The following ITCH variants were observed in gnomAD, a reference collection of about 807,000 sequenced individuals.
ITCH encodes the protein itchy E3 ubiquitin protein ligase, also known as E3 ubiquitin-protein ligase Itchy homolog.
Under a neutral mutation model 126.8 loss-of-function variants are expected in ITCH, and 28 were observed. That is an observed-to-expected ratio of 0.22 (90% confidence interval 0.16 to 0.30). The LOEUF (loss-of-function observed/expected upper bound fraction) is 0.30, where lower values mean the gene tolerates loss of function less well. Among genes scored for constraint, ITCH ranks in the 10% least tolerant of loss-of-function variants. The pLI, the probability that ITCH is intolerant of heterozygous loss-of-function variation, is 1.00. For missense variants in ITCH, 631 were observed against 1,032.4 expected (o/e 0.61, Z 5.33); for synonymous variants, 342 against 340.0 (o/e 1.01, Z -0.06).
chr20:34,481,247 A>T (rs2146472967), intron 20 of ITCH, 41 bp downstream of exon 20: 2 of 1,593,194 alleles, frequency 1.3e-6, no homozygotes, highest in South Asian at 2.2e-5. Context: ...TTGTTTGACT[A>T]CAGCACATTG....
At chr20:34,503,205 C>T (rs1990371085) in intron 23 of ITCH, among the ~76,000 whole-genome samples, 1 of 152,030 alleles carries the variant, frequency 6.6e-6, no homozygotes, top group African/African-American at 2.4e-5. Flanking sequence ...ATTGGGTATA[C>T]TTAGTATACA....
chr20:34,497,256 A>C (rs998418051), intron 23 of ITCH, among the ~76,000 whole-genome samples: 7 of 152,132 alleles, frequency 4.6e-5, no homozygotes, highest in African/African-American at 1.7e-4. Flanking sequence ...CAGCCTCCCA[A>C]AGTGCTGGGA....
At chr20:34,415,986 G>T (rs934029599) in intron 6 of ITCH, among the ~76,000 whole-genome samples, 1 of 151,910 alleles carries the variant, frequency 6.6e-6, no homozygotes, top group Non-Finnish European at 1.5e-5. Flanking sequence ...GCCTGGCCTG[G>T]TGGCGAGCAC....
At chr20:34,487,621 C>G (rs536880960) in intron 20 of ITCH, among the ~76,000 whole-genome samples, 2 of 152,122 alleles carry the variant, frequency 1.3e-5, no homozygotes, top group Non-Finnish European at 2.9e-5. Flanking sequence ...CCTGTTGACC[C>G]AAACACTACT....
Position 34,389,990 on chromosome 20 carries a change from G to T in ITCH, c.-21-3801G>T, listed in dbSNP as rs923349473. 3.3e-5 allele frequency among the ~76,000 whole-genome samples: 5 copies of T among 151,768 alleles called. No homozygotes were observed. The South Asian group carries it at 6.2e-4, about 19-fold the overall frequency. On this transcript the variant is annotated intron_variant, in intron 2 of 24. Coordinates refer to ENST00000374864, the MANE Select transcript of ITCH (RefSeq NM_031483.7). Reference sequence around the variant, plus strand: ...ACAAAAATTAGCTAGGTGTGGTTGTGGGTGCCTGTAGTCCCAGCTACTGGG... The same window carrying T: ...ACAAAAATTAGCTAGGTGTGGTTGTTGGTGCCTGTAGTCCCAGCTACTGGG...
chr20:34,479,859 A>C, intron 18 of ITCH, 70 bp downstream of exon 18: 1 of 1,315,646 alleles, frequency 7.6e-7, no homozygotes, highest in Non-Finnish European at 1.1e-6. Context: ...TAGGTGCCAT[A>C]ACAGATCATA....
At chr20:34,492,624 T>C (rs749969191) in intron 23 of ITCH, 27 bp downstream of exon 23, 8 of 1,435,228 alleles carry the variant, frequency 5.6e-6, no homozygotes, top group Middle Eastern at 1.7e-4. Context: ...ACTTTTCCTA[T>C]ACAGAAAATT....
chr20:34,423,928 A>T (rs1305495386), intron 6 of ITCH, among the ~76,000 whole-genome samples: 2 of 152,198 alleles, frequency 1.3e-5, no homozygotes, highest in Non-Finnish European at 2.9e-5. Flanking sequence ...CAGTAAAAAG[A>T]TCTGGACTGA....
chr20:34,428,414 G>A (rs997927815), intron 7 of ITCH, among the ~76,000 whole-genome samples: 1 of 152,124 alleles, frequency 6.6e-6, no homozygotes, highest in Admixed American at 6.5e-5. Flanking sequence ...AGCACTGTCT[G>A]TATCATAAAT....
At chr20:34,467,397 T>G (rs1427421252) in intron 14 of ITCH, among the ~76,000 whole-genome samples, 1 of 151,760 alleles carries the variant, frequency 6.6e-6, no homozygotes, top group East Asian at 1.9e-4. Flanking sequence ...GGTGTGGTGG[T>G]GCATGCCTGT....
In ITCH at chr20:34,384,506, C is replaced by A. The variant is rs574084266; in HGVS notation, c.-21-9285C>A. Among the ~76,000 whole-genome samples, 2 of 151,936 alleles carry A rather than the reference C, an allele frequency of 1.3e-5. 1 individual carries two copies. The highest frequency in any genetic ancestry group is 4.8e-5 in the African/African-American group (2 of 41,464). Reference sequence around the variant, plus strand: ...ATCTTGGGCAGGCTGGTCTTGAACTCCTGACCTTGTGATCCACCCGCCTCA... The same window carrying A: ...ATCTTGGGCAGGCTGGTCTTGAACTACTGACCTTGTGATCCACCCGCCTCA... On this transcript the variant is annotated intron_variant, in intron 2 of 24. Coordinates refer to ENST00000374864, the MANE Select transcript of ITCH (RefSeq NM_031483.7).
At chr20:34,402,054 C>A in intron 3 of ITCH, 1 of 683,056 alleles carries the variant, frequency 1.5e-6, no homozygotes, top group South Asian at 1.7e-5. Flanking sequence ...ATGGCAAAAA[C>A]GAATTTTAAT....
At chr20:34,439,360 C>T (rs1383739565) in intron 8 of ITCH, among the ~76,000 whole-genome samples, 1 of 152,188 alleles carries the variant, frequency 6.6e-6, no homozygotes, top group African/African-American at 2.4e-5. Flanking sequence ...GCCACCTCTA[C>T]TTCCCAGGCT....
At chr20:34,470,403 T>A (rs1987507454) in intron 15 of ITCH, among the ~76,000 whole-genome samples, 1 of 149,890 alleles carries the variant, frequency 6.7e-6, no homozygotes, top group South Asian at 2.1e-4. Context: ...GGCAACATAT[T>A]GAGGCCTTAC....
At chr20:34,436,344 A>T (rs1983001493) in intron 7 of ITCH, among the ~76,000 whole-genome samples, 1 of 152,200 alleles carries the variant, frequency 6.6e-6, no homozygotes, top group Admixed American at 6.5e-5. Context: ...AGAAACCTTA[A>T]TTTCCCAATT....
chr20:34,400,650 T>TTC (rs1555856846), intron 3 of ITCH, among the ~76,000 whole-genome samples: 4 of 148,558 alleles, frequency 2.7e-5, no homozygotes, highest in Non-Finnish European at 4.5e-5. Flanking sequence ...ATTTTTCTTT[T>TTC]TTTTTTTTTT....
intron 23 of ITCH, among the ~76,000 whole-genome samples, chr20:34,495,965 G>A (rs959460782): frequency 6.6e-6 from 1 of 150,580 alleles, no homozygotes; most frequent in South Asian, 2.1e-4. Flanking sequence ...GAGAGTGGTG[G>A]TACACGCCTG....
In ITCH at chr20:34,508,033, A is replaced by G. The variant is rs1978345095; in HGVS notation, c.*239A>G. On this transcript the variant is annotated 3_prime_UTR_variant, in exon 25 of 25. Coordinates refer to ENST00000374864, the MANE Select transcript of ITCH (RefSeq NM_031483.7). ...AACATGAGATTTTAACACAACAATG[A>G]AATTTGCCTTGTCTTATTCCACTAG... 4 of 474,596 alleles carry G rather than the reference A, an allele frequency of 8.4e-6. No individual in the cohort carries two copies. Among genetic ancestry groups the G allele is most frequent in the Non-Finnish European group, 1.6e-5 (4 of 257,794 alleles). The allele number at this position is 474,596 out of a possible 1,614,324, so 29.4% of individuals were successfully genotyped here. A position where few individuals can be genotyped will look rare whatever the true frequency, so the allele number is the denominator to read the frequency against.
At chr20:34,423,194 A>G (rs945389404) in intron 6 of ITCH, among the ~76,000 whole-genome samples, 3 of 152,124 alleles carry the variant, frequency 2.0e-5, no homozygotes, top group Non-Finnish European at 2.9e-5. Flanking sequence ...CACTTAGCAT[A>G]ATGTTTTTGA....
Sources: allele counts gnomAD v4.1 joint callset (sites outside exome capture counted in the v4.1 genomes callset), GRCh38; gene constraint gnomAD v4.1.1; transcripts MANE v1.5; gene names NCBI Gene and HGNC (gene_info 2026-07-23, HGNC 2026-07-21).